Variants in VWC2L observed in about 807,000 individuals in gnomAD.
VWC2L encodes the protein von Willebrand factor C domain containing 2 like.
VWC2L carries 10 observed loss-of-function variants against 21.6 expected under a neutral mutation model. That is an observed-to-expected ratio of 0.46 (90% CI 0.29 to 0.78). VWC2L has a LOEUF of 0.78. Among genes scored for constraint, VWC2L ranks in the 30% least tolerant of loss-of-function variants. The probability of loss-of-function intolerance (pLI) is 0.10; values close to 1 mark genes in which losing one functional copy is unlikely to be tolerated. For missense variants in VWC2L, 209 were observed against 277.1 expected, an observed-to-expected ratio of 0.75 and a Z score of 1.74; for synonymous variants, 96 against 94.3, an observed-to-expected ratio of 1.02 and a Z score of -0.10.
intron 3 of VWC2L, among the ~76,000 whole-genome samples, chr2:214,534,597 G>A (rs1460564075): frequency 6.6e-6 from 1 of 152,072 alleles, no homozygotes; most frequent in East Asian, 1.9e-4. Context: ...CTGGAGTTGT[G>A]CAATGTAAAC....
At chr2:214,505,271 G>T (rs1460665862) in intron 3 of VWC2L, among the ~76,000 whole-genome samples, 1 of 152,168 alleles carries the variant, frequency 6.6e-6, no homozygotes, top group African/African-American at 2.4e-5. Flanking sequence ...GAAGCAGTGT[G>T]ATTTCTACTT....
intron 3 of VWC2L, among the ~76,000 whole-genome samples, chr2:214,519,856 T>C (rs929540980): frequency 2.1e-4 from 32 of 152,276 alleles, no homozygotes; most frequent in African/African-American, 7.5e-4. Flanking sequence ...AGGGAAATGG[T>C]CTATAAATGC....
chr2:214,472,163 T>C (rs1043420737), intron 3 of VWC2L: 1 of 152,178 alleles, frequency 6.6e-6, no homozygotes, highest in African/African-American at 2.4e-5. Context: ...TCACATTGGC[T>C]TGAATTGAGA....
At chr2:214,516,539 T>A (rs1028348983) in intron 3 of VWC2L, among the ~76,000 whole-genome samples, 5 of 152,080 alleles carry the variant, frequency 3.3e-5, no homozygotes, top group African/African-American at 4.8e-5. Context: ...GAGCTTGAGG[T>A]TCCAAAGATT....
intron 3 of VWC2L, among the ~76,000 whole-genome samples, chr2:214,503,690 C>T (rs1483546721): frequency 6.9e-6 from 1 of 144,114 alleles, no homozygotes; most frequent in Non-Finnish European, 1.5e-5. Flanking sequence ...CCACTATGTA[C>T]ACAATCAGAA....
intron 3 of VWC2L, among the ~76,000 whole-genome samples, chr2:214,553,376 C>T (rs988132934): frequency 2.6e-5 from 4 of 152,126 alleles, no homozygotes; most frequent in South Asian, 2.1e-4. Flanking sequence ...ATACATAAGA[C>T]GTTAATCAAC....
intron 3 of VWC2L, among the ~76,000 whole-genome samples, chr2:214,554,972 G>T (rs536503003): frequency 5.9e-5 from 9 of 152,272 alleles, no homozygotes; most frequent in South Asian, 2.1e-4. Flanking sequence ...ATCCAGGAAA[G>T]GTTTAACTAA....
At chr2:214,529,975 A>G (rs1055720450) in intron 3 of VWC2L, among the ~76,000 whole-genome samples, 6 of 152,198 alleles carry the variant, frequency 3.9e-5, no homozygotes, top group Admixed American at 1.3e-4. Flanking sequence ...CTTAAGTTTA[A>G]AAACAAAAAC....
chr2:214,505,382 C>T (rs1293772705), intron 3 of VWC2L, among the ~76,000 whole-genome samples: 1 of 152,154 alleles, frequency 6.6e-6, no homozygotes, highest in East Asian at 1.9e-4. Context: ...CCCTGTACTA[C>T]TCTATAATTT....
intron 3 of VWC2L, among the ~76,000 whole-genome samples, chr2:214,541,005 G>A (rs947468753): frequency 6.6e-6 from 1 of 151,974 alleles, no homozygotes; most frequent in African/African-American, 2.4e-5. Flanking sequence ...TTTTTCTTGA[G>A]ACATGCTAGT....
chr2:214,571,817 C>T (rs1013376025), intron 3 of VWC2L, among the ~76,000 whole-genome samples: 51 of 152,224 alleles, frequency 3.4e-4, no homozygotes, highest in Non-Finnish European at 4.4e-4. Flanking sequence ...TTCAGGGGCT[C>T]CCTGTATTGC....
chr2:214,500,017 G>T (rs923787122), intron 3 of VWC2L, among the ~76,000 whole-genome samples: 1 of 152,144 alleles, frequency 6.6e-6, no homozygotes, highest in African/African-American at 2.4e-5. Context: ...AAACCCCAGC[G>T]AAGGAAGGGT....
chr2:214,440,702 C>T (rs1464627268), intron 3 of VWC2L, among the ~76,000 whole-genome samples: 1 of 152,074 alleles, frequency 6.6e-6, no homozygotes, highest in Non-Finnish European at 1.5e-5. Context: ...AACTCTTGCT[C>T]TGCAGCCACT....
intron 3 of VWC2L, among the ~76,000 whole-genome samples, chr2:214,557,737 G>C (rs1689895426): frequency 6.6e-6 from 1 of 151,996 alleles, no homozygotes; most frequent in Non-Finnish European, 1.5e-5. Flanking sequence ...AATTATTTCA[G>C]CTCCTAGTGC....
chr2:214,421,071 T>C (rs1702431276), intron 2 of VWC2L, among the ~76,000 whole-genome samples: 1 of 152,230 alleles, frequency 6.6e-6, no homozygotes, highest in Non-Finnish European at 1.5e-5. Flanking sequence ...TTATACTCTT[T>C]GAGTAATTTC....
chr2:214,520,058 T>TACACACAC (rs60850327), intron 3 of VWC2L, among the ~76,000 whole-genome samples: 9,240 of 143,112 alleles, frequency 0.065, 328 homozygotes, highest in African/African-American at 0.082. Flanking sequence ...GCTCCTGTTA[T>TACACACAC]ACACACACAC....
chr2:214,421,563 T>C (rs75640551), intron 2 of VWC2L, among the ~76,000 whole-genome samples: 1 of 152,092 alleles, frequency 6.6e-6, no homozygotes, highest in Admixed American at 6.5e-5. Flanking sequence ...CGTGTGCACA[T>C]TGGGAGATCG....
At chr2:214,444,638 G>T (rs1050563187) in intron 3 of VWC2L, among the ~76,000 whole-genome samples, 1 of 151,892 alleles carries the variant, frequency 6.6e-6, no homozygotes, top group Non-Finnish European at 1.5e-5. Flanking sequence ...CCTACCAGCT[G>T]TATTAATATA....
intron 3 of VWC2L, among the ~76,000 whole-genome samples, chr2:214,464,889 T>C (rs922967151): frequency 2.0e-5 from 3 of 152,004 alleles, no homozygotes; most frequent in Admixed American, 1.3e-4. Context: ...TCCTTTCTCA[T>C]GCAGGAGTCT....
Sources: gnomAD v4.1 joint callset for allele counts (sites outside exome capture counted in the v4.1 genomes callset) on GRCh38, gnomAD v4.1.1 for gene constraint, MANE v1.5 for transcripts, NCBI Gene and HGNC (gene_info 2026-07-23, HGNC 2026-07-21) for gene names.